The following HMCN1 variants were observed in gnomAD, a reference collection of about 807,000 sequenced individuals.
HMCN1 encodes the protein hemicentin-1.
HMCN1 carries 321 observed loss-of-function variants against 625.9 expected under a neutral mutation model. That is an observed-to-expected ratio of 0.51 (90% CI 0.47 to 0.56). The LOEUF is 0.56. Ranked by LOEUF, HMCN1 falls within the 20% of genes least tolerant of loss-of-function variation. HMCN1 has a pLI of 0.00. For missense variants in HMCN1, 6,588 were observed against 6,887.3 expected, an observed-to-expected ratio of 0.96 and a Z score of 1.54; for synonymous variants, 2,425 against 2,417.6, an observed-to-expected ratio of 1.00 and a Z score of -0.09.
intron 1 of HMCN1, among the ~76,000 whole-genome samples, chr1:185,831,647 CAGTAG>C (rs1391033601): frequency 4.6e-5 from 7 of 152,026 alleles, no homozygotes; most frequent in Admixed American, 6.6e-5. Flanking sequence ...GTAAAAAATT[CAGTAG>C]AGTAGTGAAT....
Position 186,054,000 on chromosome 1 carries a change from T to C in HMCN1, c.6862+14T>C. 6.2e-7 allele frequency: 1 copy of C among 1,611,176 alleles called. No individual in the cohort carries two copies. The highest frequency in any genetic ancestry group is 8.5e-7 in the Non-Finnish European group (1 of 1,178,610). On this transcript the variant is annotated intron_variant, in intron 44 of 106. Transcript: ENST00000271588. ...TGCAAGTTTACAGTAAGTTGTTGAT[T>C]AGCCAGGCTTTGGCAAAATGTTCTC...
chr1:185,997,857 G>A (rs10911793), intron 25 of HMCN1, among the ~76,000 whole-genome samples: 6,261 of 150,332 alleles, frequency 0.042, 453 homozygotes, highest in African/African-American at 0.14. Context: ...GATAGCTGGA[G>A]CTATTCAAAA....
At chr1:185,822,884 G>A (rs2102272185) in intron 1 of HMCN1, among the ~76,000 whole-genome samples, 1 of 151,992 alleles carries the variant, frequency 6.6e-6, no homozygotes, top group East Asian at 1.9e-4. Flanking sequence ...GTTTGTTGAT[G>A]CTCCTTTTAG....
Position 185,809,992 on chromosome 1 carries a change from T to C in HMCN1, c.269-36034T>C, listed in dbSNP as rs537656984. ...TCATTAGTCTTTTTTAGTGGAATGA[T>C]TAAAGGTGAGGAAATAAACACTTGA... is the stretch of plus-strand genomic sequence containing the variant. On this transcript the variant is annotated intron_variant, in intron 1 of 106. Transcript: ENST00000271588. 2.0e-5 allele frequency among the ~76,000 whole-genome samples: 3 copies of C among 152,246 alleles called. No individual in the cohort carries two copies. In the South Asian group the frequency reaches 6.2e-4, roughly 32 times the overall value.
intron 1 of HMCN1, among the ~76,000 whole-genome samples, chr1:185,741,006 G>A (rs542375822): frequency 3.9e-5 from 6 of 152,044 alleles, no homozygotes; most frequent in African/African-American, 9.6e-5. Flanking sequence ...AAACAAAAAC[G>A]AAAACAAAAA....
intron 52 of HMCN1, among the ~76,000 whole-genome samples, chr1:186,071,029 A>G (rs936541704): frequency 2.6e-5 from 4 of 152,150 alleles, no homozygotes; most frequent in African/African-American, 9.7e-5. Context: ...ATACAATTGT[A>G]ATTGTATATT....
rs961920298 is a variant in HMCN1, at chr1:185,987,935, C to T, written c.3048+391C>T. 5.3e-5 allele frequency among the ~76,000 whole-genome samples: 8 copies of T among 151,516 alleles called. No homozygotes were observed. In the South Asian group the frequency reaches 1.0e-3, roughly 20 times the overall value. On this transcript the variant is annotated intron_variant, in intron 20 of 106. Transcript: ENST00000271588. The stretch of plus-strand genomic sequence containing the variant: ...CATGTGGAACTGACCAGTAGACCTG[C>T]GCTGAAATTAAGAGGGAAGAGGGCT...
chr1:186,119,356 A>G (rs550327100), intron 78 of HMCN1, 58 bp downstream of exon 78: 2 of 1,234,148 alleles, frequency 1.6e-6, no homozygotes, highest in Admixed American at 1.7e-5. Context: ...TTTTTTAGTC[A>G]TATTTATTCT....
chr1:185,738,618 GT>G (rs1183864267), intron 1 of HMCN1, among the ~76,000 whole-genome samples: 1 of 152,140 alleles, frequency 6.6e-6, no homozygotes, highest in Non-Finnish European at 1.5e-5. Flanking sequence ...ATGTTTAACT[GT>G]TTGAGAAACT....
chr1:185,923,447 ATCT>A lies in HMCN1; in HGVS notation c.1084_1086del (p.Leu362del), dbSNP rs780540470. On this transcript the variant is annotated inframe_deletion, in exon 8 of 107. Coordinates refer to ENST00000271588, the MANE Select transcript of HMCN1 (RefSeq NM_031935.3). ...GGAATTTCCACTCCAGCTAGAATAGATCTTCTTGAACTTTTGAGTATCTCAGGA... is the reference window on the plus strand; with the variant it reads ...GGAATTTCCACTCCAGCTAGAATAGATCTTGAACTTTTGAGTATCTCAGGA... The A allele has an allele frequency of 6.2e-7, 1 of 1,610,178 alleles. No homozygotes were observed. The highest frequency in any genetic ancestry group is 8.5e-7 in the Non-Finnish European group (1 of 1,176,894).
chr1:185,979,525 G>A (rs1651471297), intron 16 of HMCN1, among the ~76,000 whole-genome samples: 1 of 152,200 alleles, frequency 6.6e-6, no homozygotes, highest in African/African-American at 2.4e-5. Flanking sequence ...AAGGAAATTA[G>A]TAATTAGAAA....
chr1:185,773,204 G>A (rs1255048677), intron 1 of HMCN1, among the ~76,000 whole-genome samples: 1 of 152,146 alleles, frequency 6.6e-6, no homozygotes, highest in Non-Finnish European at 1.5e-5. Flanking sequence ...CACAAGTGGG[G>A]AAAGCTACTG....
chr1:185,798,341 T>C (rs1658548913), intron 1 of HMCN1, among the ~76,000 whole-genome samples: 1 of 152,214 alleles, frequency 6.6e-6, no homozygotes, highest in African/African-American at 2.4e-5. Flanking sequence ...AGGCTGATGA[T>C]TGTATGTCTT....
chr1:186,166,210 C>T lies in HMCN1; in HGVS notation c.15346C>T (p.Pro5116Ser), dbSNP rs865787787. 3.7e-6 allele frequency: 6 copies of T among 1,613,948 alleles called. No homozygotes were observed. In the African/African-American group the frequency reaches 8.0e-5, roughly 22 times the overall value. Residue 5116 changes from proline to serine, a missense_variant, in exon 99 of 107, where the codon CCC (proline) becomes TCC (serine). By Grantham distance (74) the Pro-to-Ser change is moderately conservative. This residue lies in a region of HMCN1 where 1,954 missense variants were observed against 2,013.1 expected (regional missense o/e 0.97). Transcript: ENST00000271588. ...TGAGGATGAATGTGCAGCAGGGAAT[C>T]CCTGCTCCCATAGCTGCCACAATGC... is the stretch of plus-strand genomic sequence containing the variant. ...ADEDECAAGN[P>S]CSHSCHNAMG...
At chr1:186,171,524 C>A in intron 101 of HMCN1, 74 bp downstream of exon 101, 2 of 1,128,316 alleles carry the variant, frequency 1.8e-6, no homozygotes, top group Non-Finnish European at 2.7e-6. Context: ...TAAATGCATA[C>A]ACTGTGTCTT....
chr1:186,037,492 C>G (rs1412748180), intron 36 of HMCN1, among the ~76,000 whole-genome samples: 2 of 152,138 alleles, frequency 1.3e-5, no homozygotes, highest in South Asian at 4.1e-4. Flanking sequence ...AAAAGTTATT[C>G]TATTTTTTTC....
At chr1:186,162,923 AC>A (rs1558272136) in intron 97 of HMCN1, among the ~76,000 whole-genome samples, 1 of 152,166 alleles carries the variant, frequency 6.6e-6, no homozygotes, top group Admixed American at 6.5e-5. Context: ...TGGGAGAACC[AC>A]TGCTCTCTTC....
chr1:186,085,527 A>G (rs1349182642), intron 57 of HMCN1, among the ~76,000 whole-genome samples: 1 of 152,148 alleles, frequency 6.6e-6, no homozygotes, highest in Non-Finnish European at 1.5e-5. Context: ...ATCTTCAAAT[A>G]CAGCCACACT....
In HMCN1 at chr1:186,015,260, G is replaced by A. The variant is rs982284199; in HGVS notation, c.4732G>A (p.Ala1578Thr). 3 of 1,613,646 alleles carry A rather than the reference G, an allele frequency of 1.9e-6. No individual in the cohort carries two copies. In the African/African-American group the frequency reaches 4.0e-5, roughly 22 times the overall value. Reference protein sequence around the residue: ...ECETRGLPMPAITWYKDGQPI... With the variant: ...ECETRGLPMPTITWYKDGQPI... Reference sequence around the variant, plus strand: ...TGAAACACGGGGACTTCCAATGCCTGCCATTACTTGGTATAAGGACGGGCA... The same window carrying A: ...TGAAACACGGGGACTTCCAATGCCTACCATTACTTGGTATAAGGACGGGCA... The change falls in exon 31 of 107, where the codon GCC (alanine) becomes ACC (threonine). Residue 1578 changes from alanine (A) to threonine (T), a missense_variant. By Grantham distance (58) the Ala-to-Thr change is moderately conservative. Around this residue, in one of 3 missense-constraint regions of HMCN1, gnomAD observed 4,628 missense variants for 4,853.1 expected, o/e 0.95. Transcript: ENST00000271588.
Sources: gnomAD v4.1 joint callset for allele counts (sites outside exome capture counted in the v4.1 genomes callset) on GRCh38, gnomAD v4.1.1 for gene constraint, gnomAD v4.1.1 regional missense constraint, MANE v1.5 for transcripts, NCBI Gene and HGNC (gene_info 2026-07-23, HGNC 2026-07-21) for gene names.